TSPOAP1: variants seen among roughly 807,000 people sequenced by gnomAD.
The protein encoded by TSPOAP1 is peripheral-type benzodiazepine receptor-associated protein 1.
Under a neutral mutation model 197.0 loss-of-function variants are expected in TSPOAP1, and 87 were observed. The observed-to-expected ratio is 0.44, with a 90% CI of 0.37 to 0.53. The LOEUF is 0.53. TSPOAP1 is among the 20% of genes least tolerant of loss of function. The pLI is 0.00. For missense variants in TSPOAP1, 2,174 were observed against 2,411.3 expected (o/e 0.90, Z 2.06); for synonymous variants, 913 against 998.9 (o/e 0.91, Z 1.62).
At chr17:58,308,466 C>G in intron 22 of TSPOAP1, 75 bp downstream of exon 22, 1 of 1,484,624 alleles carries the variant, frequency 6.7e-7, no homozygotes, top group South Asian at 1.4e-5. Context: ...GGAATGGGAG[C>G]TGCTGGTGGG....
Position 58,305,095 on chromosome 17 carries a change from T to A in TSPOAP1, c.5510A>T (p.Asp1837Val). ...EGPGPEAGGLDREPRTPQAES... is the reference protein window; with the variant it reads ...EGPGPEAGGLVREPRTPQAES... ...AGCCTGGGGTGTCCTGGGTTCCCTG[T>A]CCAGGCCGCCTGCCTCAGGCCCAGG... Residue 1837 changes from aspartate (D) to valine (V), a missense_variant, in exon 30 of 32, where the codon GAC becomes GTC. Physicochemically the swap from Asp to Val is radical, Grantham distance 152. Coordinates refer to ENST00000343736, the MANE Select transcript of TSPOAP1 (RefSeq NM_004758.4). The A allele has an allele frequency of 6.2e-7, 1 of 1,613,998 alleles. No homozygotes were observed. The highest frequency in any genetic ancestry group is 8.5e-7 in the Non-Finnish European group (1 of 1,179,950).
chr17:58,308,054 C>T (rs1169006697), intron 22 of TSPOAP1, 113 bp from the exon 23 acceptor site: 2 of 1,093,936 alleles, frequency 1.8e-6, no homozygotes, highest in East Asian at 5.2e-5. Flanking sequence ...AGGAGCACAG[C>T]ATTCCTCTCC....
Position 58,322,592 on chromosome 17 carries a change from C to T in TSPOAP1, c.1317+62G>A, listed in dbSNP as rs1971434075. On this transcript the variant is annotated intron_variant, in intron 9 of 31. Coordinates refer to ENST00000343736, the MANE Select transcript of TSPOAP1 (RefSeq NM_004758.4). This position sits in a 1 kb window ranked among gnomAD's most constrained non-coding sequence, Gnocchi z 5.0. ...AGTGCCCCTCACTAAGAATATTCTGCTGTCCCACTTGCTCCCCATGCCAGG... is the reference window on the plus strand; with the variant it reads ...AGTGCCCCTCACTAAGAATATTCTGTTGTCCCACTTGCTCCCCATGCCAGG... 2 of 1,593,892 alleles carry T rather than the reference C, an allele frequency of 1.3e-6. No individual in the cohort carries two copies. The highest frequency in any genetic ancestry group is 8.5e-7 in the Non-Finnish European group (1 of 1,174,162).
chr17:58,305,434 C>G lies in TSPOAP1; in HGVS notation c.5386G>C (p.Asp1796His), dbSNP rs1420770267. ...VEAELPFRAGDVITVFGGMDD... is the reference protein window; with the variant it reads ...VEAELPFRAGHVITVFGGMDD... ...ATGCCCCCAAACACAGTAATGACAT[C>G]CCCTGCCCGGAAGGGCAGCTCTGCC... The change falls in exon 29 of 32, where the codon GAT becomes CAT. Residue 1796 changes from aspartate to histidine, a missense_variant. By Grantham distance (81) the Asp-to-His change is moderately conservative. Coordinates refer to ENST00000343736, the MANE Select transcript of TSPOAP1 (RefSeq NM_004758.4). 2 of 1,613,990 alleles carry G rather than the reference C, an allele frequency of 1.2e-6. No homozygotes were observed. The highest frequency in any genetic ancestry group is 1.7e-6 in the Non-Finnish European group (2 of 1,179,948).
In TSPOAP1 at chr17:58,321,411, C is replaced by T. The variant is rs562376439; in HGVS notation, c.1423-830G>A. On this transcript the variant is annotated intron_variant, in intron 10 of 31. Coordinates refer to ENST00000343736, the MANE Select transcript of TSPOAP1 (RefSeq NM_004758.4). ...CTCCCGGGTTCAAACAATTCTCCTG[C>T]CTCAGCCTCCTGAGTAGCTGGGACT... Among the ~76,000 whole-genome samples, 135 of 152,052 alleles carry T rather than the reference C, an allele frequency of 8.9e-4. 1 individual carries two copies. Among genetic ancestry groups the T allele is most frequent in the Non-Finnish European group, 1.7e-3 (116 of 68,010 alleles).
At position 58,316,367 on chromosome 17, in the gene TSPOAP1, C is replaced by A. The variant is rs1444985777; in HGVS notation, c.1988+58G>T. 2.1e-5 allele frequency: 31 copies of A among 1,488,270 alleles called. No individual in the cohort carries two copies. The East Asian group carries it at 7.0e-4, about 34-fold the overall frequency. 92.2% of individuals were successfully genotyped at this position (1,488,270 alleles called of 1,614,324 possible). ...AGAGGTCTCCAGCTCCACCCGGCCC[C>A]CTCCTATACCCCAAATGCTGGGGCT... On this transcript the variant is annotated intron_variant, in intron 15 of 31. Coordinates refer to ENST00000343736, the MANE Select transcript of TSPOAP1 (RefSeq NM_004758.4).
At chr17:58,316,001 T>C (rs368200641) in intron 16 of TSPOAP1, 22 bp downstream of exon 16, 23 of 1,568,106 alleles carry the variant, frequency 1.5e-5, no homozygotes, top group Non-Finnish European at 2.0e-5. Context: ...ATGGACAGAA[T>C]GACCCCCCAC....
chr17:58,322,728 G>C lies in TSPOAP1; in HGVS notation c.1243C>G (p.Gln415Glu), dbSNP rs922940415. 1 of 1,612,872 alleles carries C rather than the reference G, an allele frequency of 6.2e-7. No homozygotes were observed. The highest frequency in any genetic ancestry group is 1.3e-5 in the African/African-American group (1 of 74,996). ...TTGCGAAGGGCTGAGTCCCTCTCCT[G>C]TGTCACCCCCAGGAGCTGGCCCCTC... ...ELRGQLLGVT[Q>E]ERDSALRKSQ... The change falls in exon 9 of 32, where the codon CAG (glutamine) becomes GAG (glutamate). Residue 415 changes from glutamine to glutamate, a missense_variant. By Grantham distance (29) the Gln-to-Glu change is conservative. Around this residue, in one of 5 missense-constraint regions of TSPOAP1, gnomAD observed 1,933 missense variants for 2,139.0 expected, o/e 0.90. Transcript: ENST00000343736. This position sits in a 1 kb window ranked among gnomAD's most constrained non-coding sequence, Gnocchi z 5.0.
intron 14 of TSPOAP1, among the ~76,000 whole-genome samples, chr17:58,316,796 C>T (rs1351566877): frequency 6.6e-6 from 1 of 152,248 alleles, no homozygotes; most frequent in Non-Finnish European, 1.5e-5. Flanking sequence ...GCCTCTACTG[C>T]ACCCGCCAGG....
At position 58,305,865 on chromosome 17, in the gene TSPOAP1, G is replaced by T; in HGVS notation, c.5225C>A (p.Ala1742Asp). ...PPPKPRRSKKAESEGPAQPCP... is the reference protein window; with the variant it reads ...PPPKPRRSKKDESEGPAQPCP... Reference sequence around the variant, plus strand: ...GGGCTGGGCAGGGCCTTCCGACTCAGCTGTGGAAAGAATGTGCCTGTGAGC... The same window carrying T: ...GGGCTGGGCAGGGCCTTCCGACTCATCTGTGGAAAGAATGTGCCTGTGAGC... Residue 1742 changes from alanine to aspartate, a missense_variant and splice_region_variant, in exon 27 of 32, where the codon GCT (alanine) becomes GAT (aspartate). Physicochemically the swap from Ala to Asp is moderately radical, Grantham distance 126. Around this residue, in one of 5 missense-constraint regions of TSPOAP1, gnomAD observed 161 missense variants for 159.1 expected, o/e 1.01. Transcript: ENST00000343736. 2 of 1,612,446 alleles carry T rather than the reference G, an allele frequency of 1.2e-6. No homozygotes were observed. Among genetic ancestry groups the T allele is most frequent in the East Asian group, 2.2e-5 (1 of 44,874 alleles).
chr17:58,303,992 G>A (rs144810747), intron 31 of TSPOAP1: 135 of 207,982 alleles, frequency 6.5e-4, no homozygotes, highest in Non-Finnish European at 1.1e-3. Flanking sequence ...TAGCCACACA[G>A]TATCATAATA....
rs1598059198 is a variant in TSPOAP1, at chr17:58,308,708, G to T, written c.4564C>A (p.Pro1522Thr). The change falls in exon 22 of 32, where the codon CCT becomes ACT. Residue 1522 changes from proline (P) to threonine (T), a missense_variant. This residue lies in a region of TSPOAP1 where 1,933 missense variants were observed against 2,139.0 expected (regional missense o/e 0.90). Coordinates refer to ENST00000343736, the MANE Select transcript of TSPOAP1 (RefSeq NM_004758.4). ...GTGCCCCAGGCCTCCCCATCTCCAG[G>T]GTAGCAGGAGCTGGTGATGCTGATG... The part of the protein sequence containing the change: ...GGISITSSCY[P>T]GDGEAWGTAT... The T allele has an allele frequency of 6.2e-7, 1 of 1,612,838 alleles. No individual in the cohort carries two copies. Among genetic ancestry groups the T allele is most frequent in the African/African-American group, 1.3e-5 (1 of 74,948 alleles).
rs1971714925 is a variant in TSPOAP1 at position 58,328,214 on chromosome 17, GCCA to G, written c.-297_-295del. On this transcript the variant is annotated 5_prime_UTR_variant, in exon 1 of 32. Transcript: ENST00000343736. The surrounding 1 kb of genome is among the most constrained non-coding windows in gnomAD (Gnocchi z 4.3). The stretch of plus-strand genomic sequence containing the variant: ...GTGGGGGTAGGGAGGATGTGCAGAG[GCCA>G]CCGACAGCTGCGCCTGGGTGAGGGT... 3 of 459,726 alleles carry G rather than the reference GCCA, an allele frequency of 6.5e-6. No homozygotes were observed. Among genetic ancestry groups the G allele is most frequent in the Non-Finnish European group, 1.2e-5 (3 of 249,886 alleles). 28.5% of individuals were successfully genotyped at this position (459,726 alleles called of 1,614,324 possible).
intron 16 of TSPOAP1, among the ~76,000 whole-genome samples, chr17:58,315,741 G>A (rs1406922531): frequency 6.6e-6 from 1 of 152,138 alleles, no homozygotes; most frequent in Non-Finnish European, 1.5e-5. Flanking sequence ...AAAATCTCCT[G>A]TGACACTCTC....
chr17:58,312,772 G>C, intron 16 of TSPOAP1, 50 bp from the exon 17 acceptor site: 1 of 1,492,340 alleles, frequency 6.7e-7, no homozygotes, highest in Non-Finnish European at 9.1e-7. Flanking sequence ...ACAGAGAGGA[G>C]ATAAAGAAAA....
chr17:58,311,928 G>T lies in TSPOAP1; in HGVS notation c.2893C>A (p.Arg965=). 2 of 1,571,266 alleles carry T rather than the reference G, an allele frequency of 1.3e-6. No individual in the cohort carries two copies. Among genetic ancestry groups the T allele is most frequent in the South Asian group, 2.4e-5 (2 of 83,674 alleles). The change falls in exon 17 of 32, where the codon CGG becomes AGG. Residue 965 remains arginine (R), a synonymous_variant. Coordinates refer to ENST00000343736, the MANE Select transcript of TSPOAP1 (RefSeq NM_004758.4). ...GTGGTGAACTGCAGGGTGGCAGCCC[G>T]CTGCTCCAGCCTCTCCCAGCCTGGT... ...WEPGWERLEQ[R]AATLQFTTLP... is the part of the protein sequence containing the mutation.
intron 22 of TSPOAP1, among the ~76,000 whole-genome samples, chr17:58,308,313 C>T (rs1036319397): frequency 1.3e-5 from 2 of 152,254 alleles, no homozygotes; most frequent in Admixed American, 6.5e-5. Flanking sequence ...GCCCACAGGC[C>T]GCAACAGGCG....
rs1479283386 is a variant in TSPOAP1, at chr17:58,307,637, G to C, written c.4957C>G (p.Pro1653Ala). ...PNPDAGEEELPFREGQILKVF... is the reference protein window; with the variant it reads ...PNPDAGEEELAFREGQILKVF... ...TTCAGGATCTGACCCTCTCGGAAGG[G>C]AAGCTCTTCTTCTCCAGCATCAGGA... Residue 1653 changes from proline (P) to alanine (A), a missense_variant, in exon 24 of 32, where the codon CCC becomes GCC. Physicochemically the swap from Pro to Ala is conservative, Grantham distance 27 (BLOSUM62 -1). Coordinates refer to ENST00000343736, the MANE Select transcript of TSPOAP1 (RefSeq NM_004758.4). 1 of 1,614,052 alleles carries C rather than the reference G, an allele frequency of 6.2e-7. No homozygotes were observed. The highest frequency in any genetic ancestry group is 8.5e-7 in the Non-Finnish European group (1 of 1,180,036).
At chr17:58,318,724 T>G (rs1220206432) in intron 13 of TSPOAP1, among the ~76,000 whole-genome samples, 1 of 152,148 alleles carries the variant, frequency 6.6e-6, no homozygotes, top group East Asian at 1.9e-4. Context: ...AGCAGCATTC[T>G]CAAATCACAG....
Sources: allele counts gnomAD v4.1 joint callset (sites outside exome capture counted in the v4.1 genomes callset), GRCh38; gene constraint gnomAD v4.1.1; regional missense constraint gnomAD v4.1.1; non-coding constraint Gnocchi (gnomAD v3.1); transcripts MANE v1.5; gene names NCBI Gene and HGNC (gene_info 2026-07-23, HGNC 2026-07-21).